The following GLCE variants were observed in gnomAD, a reference collection of about 807,000 sequenced individuals.
GLCE encodes glucuronic acid epimerase.
Under a neutral mutation model 47.9 loss-of-function variants are expected in GLCE, and 19 were observed. The ratio of observed to expected loss-of-function variants is 0.40; its 90% confidence interval spans 0.28 to 0.58. The LOEUF is 0.58. GLCE is among the 20% of genes least tolerant of loss of function. The probability of loss-of-function intolerance (pLI) is 0.48; values close to 1 mark genes in which losing one functional copy is unlikely to be tolerated. For synonymous variants in GLCE, 245 were observed against 263.4 expected (o/e 0.93, Z 0.68); for missense variants, 556 against 743.3 (o/e 0.75, Z 2.93).
At chr15:69,163,459 C>G (rs1301036777) in intron 1 of GLCE, among the ~76,000 whole-genome samples, 1 of 151,986 alleles carries the variant, frequency 6.6e-6, no homozygotes, top group African/African-American at 2.4e-5. Context: ...TTTAGTAACC[C>G]CTGAATGATG....
intron 1 of GLCE, among the ~76,000 whole-genome samples, chr15:69,208,003 C>A (rs1198865288): frequency 6.6e-6 from 1 of 151,560 alleles, no homozygotes; most frequent in Non-Finnish European, 1.5e-5. Context: ...TGTTTTCTTA[C>A]TGTTGAGTTT....
At chr15:69,217,391 A>G (rs2052321334) in intron 2 of GLCE, among the ~76,000 whole-genome samples, 1 of 151,158 alleles carries the variant, frequency 6.6e-6, no homozygotes, top group East Asian at 1.9e-4. Flanking sequence ...TAGAAAAATT[A>G]CTATATATAC....
At chr15:69,238,471 A>G (rs1190334788) in intron 2 of GLCE, among the ~76,000 whole-genome samples, 1 of 152,228 alleles carries the variant, frequency 6.6e-6, no homozygotes, top group Non-Finnish European at 1.5e-5. Context: ...AACCGAAAGT[A>G]TATCTAATGC....
chr15:69,177,976 G>A (rs1003144206), intron 1 of GLCE, among the ~76,000 whole-genome samples: 1 of 151,940 alleles, frequency 6.6e-6, no homozygotes, highest in African/African-American at 2.4e-5. Flanking sequence ...CCATTATATG[G>A]GTATACCAAA....
intron 1 of GLCE, among the ~76,000 whole-genome samples, chr15:69,194,283 T>G (rs962296642): frequency 1.3e-5 from 2 of 152,164 alleles, no homozygotes; most frequent in African/African-American, 2.4e-5. Context: ...GTCAGAGACA[T>G]GCAGTTGGTC....
At chr15:69,177,684 C>CCTTTATCATCTTTACTTCATGCCG (rs71147593) in intron 1 of GLCE, among the ~76,000 whole-genome samples, 1,595 of 149,188 alleles carry the variant, frequency 0.011, 33 homozygotes, top group African/African-American at 0.02. Context: ...ACTTCATGCC[C>CCTTTATCATCTTTACTTCATGCCG]CTTTATCATC....
At position 69,246,420 on chromosome 15, in the gene GLCE, C is replaced by T. The variant is rs752030590; in HGVS notation, c.-13-9374C>T. ...TGTTACAAAATGTATTTATTAAATA[C>T]TAAGACCTGAAAGTTGGCTGGGTGT... On this transcript the variant is annotated intron_variant, in intron 2 of 4. Coordinates refer to ENST00000261858, the MANE Select transcript of GLCE (RefSeq NM_015554.3). Among the ~76,000 whole-genome samples, 62 of 152,108 alleles carry T rather than the reference C, an allele frequency of 4.1e-4. 1 individual carries two copies. Among genetic ancestry groups the T allele is most frequent in the Admixed American group, 2.0e-3 (31 of 15,266 alleles).
chr15:69,187,310 C>CTAT (rs1422539331), intron 1 of GLCE, among the ~76,000 whole-genome samples: 6 of 151,974 alleles, frequency 3.9e-5, no homozygotes, highest in Non-Finnish European at 8.8e-5. Context: ...ATAAGAGATA[C>CTAT]TATTAATATA....
intron 2 of GLCE, among the ~76,000 whole-genome samples, chr15:69,232,318 G>C (rs1478520949): frequency 6.6e-6 from 1 of 152,084 alleles, no homozygotes; most frequent in Non-Finnish European, 1.5e-5. Context: ...ACTAATTTAT[G>C]TTCTTAGTAA....
At chr15:69,233,093 A>C (rs1436076762) in intron 2 of GLCE, among the ~76,000 whole-genome samples, 10 of 152,156 alleles carry the variant, frequency 6.6e-5, no homozygotes, top group Non-Finnish European at 2.9e-5. Context: ...ATAGTTTCTC[A>C]TTTTCCCAGA....
intron 2 of GLCE, among the ~76,000 whole-genome samples, chr15:69,226,658 C>G (rs1394654974): frequency 6.6e-6 from 1 of 150,966 alleles, no homozygotes; most frequent in East Asian, 1.9e-4. Context: ...CATGTTCATG[C>G]ACATCCCTGA....
At chr15:69,230,373 A>G (rs1432701031) in intron 2 of GLCE, among the ~76,000 whole-genome samples, 1 of 152,214 alleles carries the variant, frequency 6.6e-6, no homozygotes. Context: ...CAGTTTACCA[A>G]GAGTATATAG....
intron 2 of GLCE, among the ~76,000 whole-genome samples, chr15:69,235,403 C>T (rs141814855): frequency 2.1e-5 from 3 of 144,144 alleles, no homozygotes; most frequent in Non-Finnish European, 2.9e-5. Context: ...TCACTGTGCC[C>T]GGCCTGAAGA....
At chr15:69,209,645 A>C (rs545532815) in intron 1 of GLCE, among the ~76,000 whole-genome samples, 20 of 152,176 alleles carry the variant, frequency 1.3e-4, no homozygotes, top group African/African-American at 4.1e-4. Context: ...AGTTCATAAA[A>C]CAACTTTGAG....
At chr15:69,244,014 TG>T (rs1449478512) in intron 2 of GLCE, among the ~76,000 whole-genome samples, 3 of 152,246 alleles carry the variant, frequency 2.0e-5, no homozygotes, top group African/African-American at 7.2e-5. Flanking sequence ...TCACATATAC[TG>T]CCACCTTGGG....
At chr15:69,209,249 C>A (rs1233389623) in intron 1 of GLCE, among the ~76,000 whole-genome samples, 1 of 151,554 alleles carries the variant, frequency 6.6e-6, no homozygotes, top group Non-Finnish European at 1.5e-5. Flanking sequence ...ATTTTAATAT[C>A]TTTGTTTTCT....
At chr15:69,167,171 G>A (rs561247566) in intron 1 of GLCE, among the ~76,000 whole-genome samples, 4 of 152,230 alleles carry the variant, frequency 2.6e-5, no homozygotes, top group East Asian at 3.9e-4. Flanking sequence ...AGCTGAGATC[G>A]CGCCACTGCA....
At chr15:69,263,738 T>G (rs1343200108) in intron 4 of GLCE, among the ~76,000 whole-genome samples, 2 of 152,158 alleles carry the variant, frequency 1.3e-5, no homozygotes, top group African/African-American at 2.4e-5. Context: ...TTCTGCCTGA[T>G]TCTTCTTTCT....
intron 2 of GLCE, among the ~76,000 whole-genome samples, chr15:69,228,164 A>G (rs1566962296): frequency 6.6e-6 from 1 of 152,164 alleles, no homozygotes; most frequent in East Asian, 1.9e-4. Context: ...TTTTCTATGT[A>G]TCTTCTTTGT....
Sources: allele counts gnomAD v4.1 joint callset (sites outside exome capture counted in the v4.1 genomes callset), GRCh38; gene constraint gnomAD v4.1.1; transcripts MANE v1.5; gene names NCBI Gene and HGNC (gene_info 2026-07-23, HGNC 2026-07-21).